Variants in SIPA1L3 observed in about 807,000 individuals in gnomAD.
SIPA1L3 encodes the protein signal-induced proliferation-associated 1-like protein 3.
Under a neutral mutation model 150.1 loss-of-function variants are expected in SIPA1L3, and 59 were observed. That is an observed-to-expected ratio of 0.39 (90% CI 0.32 to 0.49). SIPA1L3 has a LOEUF of 0.49. Ranked by LOEUF, SIPA1L3 falls within the 20% of genes least tolerant of loss-of-function variation. The pLI, the probability that SIPA1L3 is intolerant of heterozygous loss-of-function variation, is 0.86. For missense variants in SIPA1L3, 2,211 were observed against 2,489.5 expected (o/e 0.89, Z 2.38); for synonymous variants, 1,070 against 1,077.6 (o/e 0.99, Z 0.14).
intron 2 of SIPA1L3, among the ~76,000 whole-genome samples, chr19:38,051,627 A>C (rs1725464): frequency 0.41 from 62,048 of 151,976 alleles, 14,354 homozygotes; most frequent in African/African-American, 0.64. Context: ...GAGACAGGGT[A>C]TCTCTGTGGC....
chr19:38,144,743 T>C (rs1971669476), intron 12 of SIPA1L3, among the ~76,000 whole-genome samples: 1 of 152,184 alleles, frequency 6.6e-6, no homozygotes, highest in Non-Finnish European at 1.5e-5. Context: ...GGGGGTTCTG[T>C]AGTCAGCCCT....
chr19:38,161,890 A>G (rs1369863048), intron 13 of SIPA1L3, among the ~76,000 whole-genome samples: 1 of 152,090 alleles, frequency 6.6e-6, no homozygotes, highest in Non-Finnish European at 1.5e-5. Context: ...AAAAAAAAAA[A>G]AATTAGCCAA....
At chr19:38,163,708 G>C (rs909498120) in intron 14 of SIPA1L3, among the ~76,000 whole-genome samples, 1 of 152,062 alleles carries the variant, frequency 6.6e-6, no homozygotes, top group Non-Finnish European at 1.5e-5. Context: ...AGTATGTTCC[G>C]AGAATAGCAA....
chr19:38,167,714 C>G (rs1432294469), intron 15 of SIPA1L3, among the ~76,000 whole-genome samples: 2 of 152,076 alleles, frequency 1.3e-5, no homozygotes, highest in Non-Finnish European at 2.9e-5. Flanking sequence ...AGGTGTGTGC[C>G]CCCATGCCCA....
At chr19:38,151,599 A>G (rs1357931244) in intron 12 of SIPA1L3, among the ~76,000 whole-genome samples, 2 of 152,174 alleles carry the variant, frequency 1.3e-5, no homozygotes, top group Non-Finnish European at 2.9e-5. Context: ...ACCTTCTACC[A>G]CAACCGGCTG....
intron 2 of SIPA1L3, among the ~76,000 whole-genome samples, chr19:38,037,051 G>T (rs984029660): frequency 6.6e-6 from 1 of 152,222 alleles, no homozygotes; most frequent in African/African-American, 2.4e-5. Flanking sequence ...GACTGGTGGG[G>T]TATTTATGCA....
chr19:38,201,917 C>A lies in SIPA1L3; in HGVS notation c.5040C>A (p.Ile1680=). 4 of 1,614,034 alleles carry A rather than the reference C, an allele frequency of 2.5e-6. No homozygotes were observed. Among genetic ancestry groups the A allele is most frequent in the Non-Finnish European group, 3.4e-6 (4 of 1,179,966 alleles). The change falls in exon 20 of 22, where the codon ATC becomes ATA. Residue 1680 remains isoleucine (I), a synonymous_variant. Transcript: ENST00000222345. The part of the protein sequence containing the change: ...SLNDPALSPD[I]PPAHSPVHSH... ...ACGACCCGGCCCTGAGCCCGGACAT[C>A]CCGCCTGCACACAGTCCTGTCCACA...
chr19:37,999,007 A>C (rs993274669), intron 1 of SIPA1L3, among the ~76,000 whole-genome samples: 4 of 150,362 alleles, frequency 2.7e-5, no homozygotes, highest in East Asian at 2.0e-4. Flanking sequence ...ACACACACAC[A>C]CACACCCACA....
intron 1 of SIPA1L3, among the ~76,000 whole-genome samples, chr19:37,940,381 T>A (rs1226064428): frequency 6.6e-6 from 1 of 151,972 alleles, no homozygotes; most frequent in Non-Finnish European, 1.5e-5. Context: ...CCACCCACCC[T>A]CTACTGTATT....
intron 2 of SIPA1L3, among the ~76,000 whole-genome samples, chr19:38,077,934 G>T (rs1187332801): frequency 1.3e-5 from 2 of 152,014 alleles, no homozygotes; most frequent in Non-Finnish European, 2.9e-5. Context: ...GCCTCCCAAA[G>T]TGCTGGGGTT....
At chr19:38,042,114 A>G (rs1452148781) in intron 2 of SIPA1L3, among the ~76,000 whole-genome samples, 1 of 152,194 alleles carries the variant, frequency 6.6e-6, no homozygotes, top group East Asian at 1.9e-4. Context: ...ATGTCTAAAA[A>G]ATCATTGCCA....
intron 7 of SIPA1L3, among the ~76,000 whole-genome samples, chr19:38,107,868 T>A (rs1335775385): frequency 2.0e-5 from 3 of 151,902 alleles, no homozygotes; most frequent in African/African-American, 7.3e-5. Context: ...TCCCAGCTAC[T>A]CAGGAAGCTG....
intron 2 of SIPA1L3, among the ~76,000 whole-genome samples, chr19:38,044,488 T>G (rs1304254061): frequency 6.6e-6 from 1 of 152,032 alleles, no homozygotes; most frequent in Non-Finnish European, 1.5e-5. Context: ...TATGGACCCC[T>G]GCAGTGAGGC....
At chr19:38,000,898 A>ATATATATAACATATATATATATGT (rs1313259200) in intron 1 of SIPA1L3, among the ~76,000 whole-genome samples, 9 of 85,176 alleles carry the variant, frequency 1.1e-4, no homozygotes, top group African/African-American at 4.2e-4. Flanking sequence ...TATATGTTAT[A>ATATATATAACATATATATATATGT]TATATATATA....
Position 38,088,576 on chromosome 19 carries a change from T to C in SIPA1L3, c.1535-145T>C, listed in dbSNP as rs1041440628. 5.8e-5 allele frequency: 57 copies of C among 978,822 alleles called. No individual in the cohort carries two copies. In the South Asian group the frequency reaches 9.1e-4, roughly 16 times the overall value. The allele number at this position is 978,822 out of a possible 1,614,324, so 60.6% of individuals were successfully genotyped here. A position where few individuals can be genotyped will look rare whatever the true frequency, so the allele number is the denominator to read the frequency against. On this transcript the variant is annotated intron_variant, in intron 3 of 21. Coordinates refer to ENST00000222345, the MANE Select transcript of SIPA1L3 (RefSeq NM_015073.3). ...TTACAGTGTCTCCACTGGGGGTGTC[T>C]GTGACCAGGCATGAGGTTTGCGTGA...
rs751506757 is a variant in SIPA1L3 at position 38,082,675 on chromosome 19, G to C, written c.1110G>C (p.Thr370=). 1.9e-6 allele frequency: 3 copies of C among 1,608,258 alleles called. No individual in the cohort carries two copies. Among genetic ancestry groups the C allele is most frequent in the South Asian group, 2.2e-5 (2 of 91,014 alleles). ...VSVSQRRNTT[T]GASAASAASA... ...TGTCGCAGCGGCGGAACACCACCAC[G>C]GGTGCTTCGGCCGCTTCCGCCGCCT... is the stretch of plus-strand genomic sequence containing the variant. Residue 370 remains threonine, a synonymous_variant, in exon 3 of 22, where the codon ACG becomes ACC. Coordinates refer to ENST00000222345, the MANE Select transcript of SIPA1L3 (RefSeq NM_015073.3).
chr19:37,944,101 A>C (rs1040795255), intron 1 of SIPA1L3, among the ~76,000 whole-genome samples: 1 of 151,960 alleles, frequency 6.6e-6, no homozygotes, highest in African/African-American at 2.4e-5. Context: ...ACATGGCGAA[A>C]CCGCATCTCT....
intron 8 of SIPA1L3, among the ~76,000 whole-genome samples, chr19:38,111,710 C>T (rs552145002): frequency 6.6e-6 from 1 of 152,358 alleles, no homozygotes; most frequent in African/African-American, 2.4e-5. Flanking sequence ...CAGCACACTG[C>T]ATGGCAGGGC....
intron 4 of SIPA1L3, among the ~76,000 whole-genome samples, chr19:38,095,972 A>T (rs1477040361): frequency 6.6e-6 from 1 of 152,182 alleles, no homozygotes; most frequent in Admixed American, 6.5e-5. Context: ...CCCCAGGGCC[A>T]CCCAGATTGA....
Sources: allele counts gnomAD v4.1 joint callset (sites outside exome capture counted in the v4.1 genomes callset), GRCh38; gene constraint gnomAD v4.1.1; transcripts MANE v1.5; gene names NCBI Gene and HGNC (gene_info 2026-07-23, HGNC 2026-07-21).